CDK17: variants seen among roughly 807,000 people sequenced by gnomAD.
CDK17 encodes cyclin dependent kinase 17, also known as cyclin-dependent kinase 17.
Under a neutral mutation model 77.6 loss-of-function variants are expected in CDK17, and 24 were observed. That is an observed-to-expected ratio of 0.31 (90% CI 0.22 to 0.44). The LOEUF is 0.44. Among genes scored for constraint, CDK17 ranks in the 20% least tolerant of loss-of-function variants. CDK17 has a pLI of 1.00. For missense variants in CDK17, 429 were observed against 622.5 expected, an observed-to-expected ratio of 0.69 and a Z score of 3.31; for synonymous variants, 203 against 210.4, an observed-to-expected ratio of 0.96 and a Z score of 0.30.
intron 1 of CDK17, among the ~76,000 whole-genome samples, chr12:96,372,661 CT>C (rs1401421614): frequency 2.0e-5 from 3 of 152,124 alleles, no homozygotes; most frequent in African/African-American, 7.2e-5. Context: ...TCCACAGCCA[CT>C]TTTTTTCAGA....
intron 3 of CDK17, among the ~76,000 whole-genome samples, chr12:96,323,291 C>A (rs1822013): frequency 0.78 from 105,487 of 136,098 alleles, 38,156 homozygotes; most frequent in South Asian, 0.84. Flanking sequence ...AAAACAAAAA[C>A]AAACAAACAA....
Position 96,280,900 on chromosome 12 carries a change from C to CA in CDK17, c.1457-16dup. The CA allele has an allele frequency of 1.9e-6, 3 of 1,601,984 alleles. No individual in the cohort carries two copies. The highest frequency in any genetic ancestry group is 2.2e-5 in the East Asian group (1 of 44,748). ...TATTGATACACCTAAAATGCATAGA[C>CA]AAAAATTATTAGGTGAAGGTCTAAC... On this transcript the variant is annotated splice_polypyrimidine_tract_variant and intron_variant, in intron 15 of 16. Coordinates refer to ENST00000261211, the MANE Select transcript of CDK17 (RefSeq NM_002595.5).
chr12:96,392,574 G>T (rs1954086790), intron 1 of CDK17, among the ~76,000 whole-genome samples: 1 of 152,110 alleles, frequency 6.6e-6, no homozygotes, highest in Non-Finnish European at 1.5e-5. Context: ...TGGACTAAGG[G>T]GAAATGAGCA....
chr12:96,303,335 T>C (rs538640509), intron 5 of CDK17: 9 of 152,236 alleles, frequency 5.9e-5, no homozygotes, highest in East Asian at 1.9e-4. Flanking sequence ...GCTAAAGAAA[T>C]AGCACAATAA....
intron 2 of CDK17, among the ~76,000 whole-genome samples, chr12:96,330,255 ATTAAGAC>A (rs1023580873): frequency 2.0e-5 from 3 of 152,174 alleles, no homozygotes; most frequent in African/African-American, 7.2e-5. Context: ...TTAAAATAGA[ATTAAGAC>A]TTATCAAACA....
At chr12:96,359,078 T>A (rs1953454370) in intron 1 of CDK17, among the ~76,000 whole-genome samples, 1 of 151,922 alleles carries the variant, frequency 6.6e-6, no homozygotes. Flanking sequence ...TTGTAAGATG[T>A]ATCACTCCAT....
chr12:96,370,686 G>A (rs187741383), intron 1 of CDK17, among the ~76,000 whole-genome samples: 4 of 152,236 alleles, frequency 2.6e-5, no homozygotes, highest in Admixed American at 2.6e-4. Flanking sequence ...ACTGAATATT[G>A]TAATAAACTA....
intron 10 of CDK17, among the ~76,000 whole-genome samples, 163 bp downstream of exon 10, chr12:96,294,836 A>G (rs1952381053): frequency 6.6e-6 from 1 of 152,178 alleles, no homozygotes; most frequent in Non-Finnish European, 1.5e-5. Context: ...AATAACCAAC[A>G]TAAATCACCA....
At chr12:96,327,598 A>G (rs995267739) in intron 2 of CDK17, among the ~76,000 whole-genome samples, 1 of 152,020 alleles carries the variant, frequency 6.6e-6, no homozygotes, top group Non-Finnish European at 1.5e-5. Context: ...CACAGGCTGA[A>G]GTGCAGTGGT....
intron 1 of CDK17, among the ~76,000 whole-genome samples, chr12:96,381,928 G>T (rs7135170): frequency 0.85 from 129,843 of 152,010 alleles, 55,519 homozygotes; most frequent in African/African-American, 0.87. Context: ...TCAAAGAAAT[G>T]CAAATATAAT....
chr12:96,281,295 G>A (rs1280809374), intron 15 of CDK17, among the ~76,000 whole-genome samples: 5 of 152,290 alleles, frequency 3.3e-5, no homozygotes, highest in South Asian at 2.1e-4. Flanking sequence ...GAATTTTAGC[G>A]AAAAACAAGG....
At chr12:96,310,951 T>G in intron 5 of CDK17, 101 bp downstream of exon 5, 1 of 1,257,560 alleles carries the variant, frequency 8.0e-7, no homozygotes, top group South Asian at 1.5e-5. Flanking sequence ...ATTTAGCTAT[T>G]CTAAAGTCAA....
chr12:96,311,736 G>C (rs1301711492), intron 4 of CDK17, among the ~76,000 whole-genome samples: 6 of 151,520 alleles, frequency 4.0e-5, no homozygotes, highest in Non-Finnish European at 7.4e-5. Flanking sequence ...AAACGGAATG[G>C]AGAGGTATAG....
In CDK17 at chr12:96,300,352, A is replaced by G. The variant is rs1952480926; in HGVS notation, c.552T>C (p.Ile184=). ...TGTAGGTTTCCATTTTTCCAAAGCC[A>G]ATTTCTGACTGAAAAGTAAACAATG... The part of the protein sequence containing the change: ...RRSRRASLSE[I]GFGKMETYIK... The change falls in exon 6 of 17, where the codon ATT becomes ATC. Residue 184 remains isoleucine (I), a synonymous_variant. Coordinates refer to ENST00000261211, the MANE Select transcript of CDK17 (RefSeq NM_002595.5). The G allele has an allele frequency of 6.3e-7, 1 of 1,586,544 alleles. No individual in the cohort carries two copies.
chr12:96,374,697 C>A (rs1344978549), intron 1 of CDK17, among the ~76,000 whole-genome samples: 1 of 152,148 alleles, frequency 6.6e-6, no homozygotes, highest in Non-Finnish European at 1.5e-5. Flanking sequence ...AAGGGGGGAA[C>A]TAATTTACTT....
intron 1 of CDK17, among the ~76,000 whole-genome samples, chr12:96,393,188 C>T (rs150392279): frequency 1.5e-4 from 23 of 150,156 alleles, no homozygotes; most frequent in African/African-American, 4.9e-4. Context: ...GATAGTGAAA[C>T]CTCATCTCTA....
intron 3 of CDK17, among the ~76,000 whole-genome samples, chr12:96,316,271 G>T (rs183420768): frequency 9.8e-4 from 149 of 152,276 alleles, no homozygotes; most frequent in Non-Finnish European, 1.8e-3. Flanking sequence ...GGCGCACCAC[G>T]AGACTATATA....
At chr12:96,312,392 T>C (rs1042035068) in intron 4 of CDK17, among the ~76,000 whole-genome samples, 1 of 152,154 alleles carries the variant, frequency 6.6e-6, no homozygotes, top group African/African-American at 2.4e-5. Context: ...ATACAGACCC[T>C]AATACTAAAT....
At chr12:96,372,928 C>A (rs1156844339) in intron 1 of CDK17, among the ~76,000 whole-genome samples, 1 of 152,102 alleles carries the variant, frequency 6.6e-6, no homozygotes, top group Non-Finnish European at 1.5e-5. Flanking sequence ...TTTGGGCTAT[C>A]TGAATTTTCC....
Sources: allele counts gnomAD v4.1 joint callset (sites outside exome capture counted in the v4.1 genomes callset), GRCh38; gene constraint gnomAD v4.1.1; transcripts MANE v1.5; gene names NCBI Gene and HGNC (gene_info 2026-07-23, HGNC 2026-07-21).